The following BARX2 variants were observed in gnomAD, a reference collection of about 807,000 sequenced individuals.
BARX2 encodes homeobox protein BarH-like 2.
A neutral mutation model predicts 25.5 loss-of-function variants in BARX2; 11 were observed. The observed-to-expected ratio is 0.43, with a 90% CI of 0.27 to 0.71. The LOEUF is 0.71. BARX2 is among the 30% of genes least tolerant of loss of function. The pLI, the probability that BARX2 is intolerant of heterozygous loss-of-function variation, is 0.19. For synonymous variants in BARX2, 137 were observed against 149.5 expected (o/e 0.92, Z 0.61); for missense variants, 360 against 359.9 (o/e 1.00, Z 0.00).
intron 1 of BARX2, among the ~76,000 whole-genome samples, chr11:129,434,754 T>C (rs757960809): frequency 2.0e-5 from 3 of 152,230 alleles, no homozygotes; most frequent in Admixed American, 6.5e-5. Flanking sequence ...AGTGACTTGG[T>C]AGATACTGCT....
intron 1 of BARX2, among the ~76,000 whole-genome samples, chr11:129,391,601 A>T (rs1300387608): frequency 6.6e-6 from 1 of 152,164 alleles, no homozygotes; most frequent in Non-Finnish European, 1.5e-5. Context: ...TTCTGTTGTC[A>T]TCCTGTGACA....
Position 129,451,285 on chromosome 11 carries a change from G to A in BARX2, c.723G>A (p.Glu241=). 6.2e-7 allele frequency: 1 copy of A among 1,614,182 alleles called. No homozygotes were observed. Among genetic ancestry groups the A allele is most frequent in the South Asian group, 1.1e-5 (1 of 91,070 alleles). Residue 241 remains glutamate, a synonymous_variant, in exon 4 of 4, where the codon GAG becomes GAA. Coordinates refer to ENST00000281437, the MANE Select transcript of BARX2 (RefSeq NM_003658.5). The part of the protein sequence containing the change: ...QEQLEPSQGQ[E]ELCEAQEPKA... ...AGCTGGAGCCCTCTCAGGGGCAGGA[G>A]GAGCTCTGTGAAGCACAGGAACCGA...
intron 1 of BARX2, among the ~76,000 whole-genome samples, chr11:129,426,596 T>G (rs539010552): frequency 6.6e-6 from 1 of 152,222 alleles, no homozygotes; most frequent in South Asian, 2.1e-4. Context: ...AGGCTGGTCT[T>G]GAACTCCTGA....
rs549497823 is a variant in BARX2 at position 129,412,185 on chromosome 11, C to T, written c.188-24566C>T. ...TACTCGGGAGGCTGAGGCAGGAGAACGGCGTGAACCTGGGAGGCGGAGCTT... is the reference window on the plus strand; with the variant it reads ...TACTCGGGAGGCTGAGGCAGGAGAATGGCGTGAACCTGGGAGGCGGAGCTT... On this transcript the variant is annotated intron_variant, in intron 1 of 3. Transcript: ENST00000281437. 1.5e-4 allele frequency among the ~76,000 whole-genome samples: 22 copies of T among 151,572 alleles called. No homozygotes were observed. The South Asian group carries it at 1.9e-3, about 13-fold the overall frequency.
At chr11:129,399,864 G>A (rs144839099) in intron 1 of BARX2, among the ~76,000 whole-genome samples, 1 of 152,288 alleles carries the variant, frequency 6.6e-6, no homozygotes, top group Non-Finnish European at 1.5e-5. Flanking sequence ...AACTGACCTG[G>A]CACACTAGTG....
chr11:129,439,710 C>T (rs143249336), intron 2 of BARX2, among the ~76,000 whole-genome samples: 34 of 152,244 alleles, frequency 2.2e-4, no homozygotes, highest in Non-Finnish European at 4.6e-4. Flanking sequence ...ATGATGGAGA[C>T]AGGTCTGTGA....
chr11:129,440,370 G>A (rs1862242401), intron 2 of BARX2, among the ~76,000 whole-genome samples: 1 of 152,216 alleles, frequency 6.6e-6, no homozygotes, highest in Non-Finnish European at 1.5e-5. Context: ...GATGGCCTCA[G>A]GTGAACTGGG....
intron 1 of BARX2, among the ~76,000 whole-genome samples, chr11:129,425,708 G>T (rs567704004): frequency 6.6e-6 from 1 of 152,286 alleles, no homozygotes; most frequent in East Asian, 1.9e-4. Flanking sequence ...GACTTGGCTT[G>T]TCTCTGCAAA....
intron 1 of BARX2, among the ~76,000 whole-genome samples, chr11:129,379,831 T>C (rs1477954973): frequency 1.3e-5 from 2 of 152,110 alleles, no homozygotes; most frequent in Non-Finnish European, 2.9e-5. Context: ...TACCTTACAT[T>C]TACACATGCA....
intron 1 of BARX2, among the ~76,000 whole-genome samples, chr11:129,392,258 G>A (rs898037995): frequency 1.3e-5 from 2 of 152,202 alleles, no homozygotes; most frequent in African/African-American, 4.8e-5. Context: ...CCCACTGTGG[G>A]GTGAGAGATG....
chr11:129,423,116 G>GA (rs1345799697), intron 1 of BARX2, among the ~76,000 whole-genome samples: 1 of 64,464 alleles, frequency 1.6e-5, no homozygotes, highest in African/African-American at 7.2e-5. Flanking sequence ...AATCAGATTG[G>GA]ATTTTTTTTT....
chr11:129,417,959 T>C (rs1478994027), intron 1 of BARX2, among the ~76,000 whole-genome samples: 1 of 152,234 alleles, frequency 6.6e-6, no homozygotes, highest in African/African-American at 2.4e-5. Flanking sequence ...TAAAATTCTG[T>C]GCTTTGAAAT....
intron 1 of BARX2, among the ~76,000 whole-genome samples, chr11:129,396,080 G>C (rs868614829): frequency 6.6e-6 from 1 of 152,120 alleles, no homozygotes; most frequent in Non-Finnish European, 1.5e-5. Context: ...TGTGTGCTCC[G>C]GTAGCACCGG....
chr11:129,406,697 G>A (rs1001401218), intron 1 of BARX2, among the ~76,000 whole-genome samples: 3 of 152,146 alleles, frequency 2.0e-5, no homozygotes, highest in African/African-American at 4.8e-5. Flanking sequence ...CAGCCTCAAC[G>A]GTGATTGAGT....
chr11:129,447,226 C>G (rs1862341514), intron 3 of BARX2, among the ~76,000 whole-genome samples: 1 of 152,096 alleles, frequency 6.6e-6, no homozygotes, highest in South Asian at 2.1e-4. Flanking sequence ...TCCCTGCCCC[C>G]TACCCAGGCT....
At chr11:129,382,947 C>G (rs1489088027) in intron 1 of BARX2, among the ~76,000 whole-genome samples, 1 of 152,198 alleles carries the variant, frequency 6.6e-6, no homozygotes, top group African/African-American at 2.4e-5. Flanking sequence ...GCACCTTGGG[C>G]CTGCCTGTCG....
chr11:129,450,516 G>A (rs1862384570), intron 3 of BARX2, among the ~76,000 whole-genome samples: 1 of 152,124 alleles, frequency 6.6e-6, no homozygotes, highest in Non-Finnish European at 1.5e-5. Context: ...CAAGTATTCT[G>A]TCTTTGGGAT....
chr11:129,447,270 C>T lies in BARX2; in HGVS notation c.574-3866C>T, dbSNP rs1565524725. 2.6e-5 allele frequency among the ~76,000 whole-genome samples: 4 copies of T among 152,308 alleles called. No homozygotes were observed. In the South Asian group the frequency reaches 8.3e-4, roughly 32 times the overall value. ...GGAAGCAAAAGATCCGGTCTTAACA[C>T]CCTCAGCAACAGAACATCTGAATAC... is the stretch of plus-strand genomic sequence containing the variant. On this transcript the variant is annotated intron_variant, in intron 3 of 3. Transcript: ENST00000281437.
At chr11:129,444,282 A>G (rs920134085) in intron 3 of BARX2, among the ~76,000 whole-genome samples, 1 of 152,128 alleles carries the variant, frequency 6.6e-6, no homozygotes, top group Non-Finnish European at 1.5e-5. Flanking sequence ...AAAAATTAGG[A>G]AAAAAGTCAA....
Sources: allele counts gnomAD v4.1 joint callset (sites outside exome capture counted in the v4.1 genomes callset), GRCh38; gene constraint gnomAD v4.1.1; transcripts MANE v1.5; gene names NCBI Gene and HGNC (gene_info 2026-07-23, HGNC 2026-07-21).